PRR11: variants seen among roughly 807,000 people sequenced by gnomAD.
PRR11 encodes the protein proline-rich protein 11.
Under a neutral mutation model 45.6 loss-of-function variants are expected in PRR11, and 30 were observed. The ratio of observed to expected loss-of-function variants is 0.66; its 90% CI spans 0.49 to 0.89. The LOEUF (loss-of-function observed/expected upper bound fraction) is 0.89, where lower values mean the gene tolerates loss of function less well. Ranked by LOEUF, PRR11 falls within the 40% of genes least tolerant of loss-of-function variation. PRR11 has a pLI of 0.00. For synonymous variants in PRR11, 128 were observed against 153.5 expected, an observed-to-expected ratio of 0.83 and a Z score of 1.23; for missense variants, 373 against 424.8, an observed-to-expected ratio of 0.88 and a Z score of 1.07.
In PRR11 at chr17:59,193,564, C is replaced by T; in HGVS notation, c.475C>T (p.Pro159Ser). The T allele has an allele frequency of 6.2e-7, 1 of 1,614,144 alleles. No homozygotes were observed. The highest frequency in any genetic ancestry group is 8.5e-7 in the Non-Finnish European group (1 of 1,180,028). The change falls in exon 5 of 10, where the codon CCT (proline) becomes TCT (serine). Residue 159 changes from proline to serine, a missense_variant. By Grantham distance (74) the Pro-to-Ser change is moderately conservative. Transcript: ENST00000262293. ...CATGAGTGGTAAACTTACAAATGTGCCTGCCTGCGTTCTGATCACCCCTGG... is the reference window on the plus strand; with the variant it reads ...CATGAGTGGTAAACTTACAAATGTGTCTGCCTGCGTTCTGATCACCCCTGG... ...CHMSGKLTNVPACVLITPGDS... is the reference protein window; with the variant it reads ...CHMSGKLTNVSACVLITPGDS...
At chr17:59,169,913 G>A in intron 2 of PRR11, 33 bp downstream of exon 2, 1 of 1,576,896 alleles carries the variant, frequency 6.3e-7, no homozygotes, top group South Asian at 1.2e-5. Flanking sequence ...AAAAATATTA[G>A]AGAGATCTGA....
chr17:59,190,724 T>C (rs2046836894), intron 4 of PRR11, among the ~76,000 whole-genome samples: 1 of 152,232 alleles, frequency 6.6e-6, no homozygotes, highest in African/African-American at 2.4e-5. Context: ...ACAGTAAGTT[T>C]ATTTCTCAGA....
chr17:59,171,216 C>T (rs1237067802), intron 2 of PRR11, among the ~76,000 whole-genome samples: 1 of 151,410 alleles, frequency 6.6e-6, no homozygotes, highest in African/African-American at 2.4e-5. Context: ...TGAGCCGAGA[C>T]AGTGCCACTG....
intron 4 of PRR11, among the ~76,000 whole-genome samples, chr17:59,188,177 T>G (rs1286862758): frequency 6.6e-6 from 1 of 152,174 alleles, no homozygotes; most frequent in East Asian, 1.9e-4. Flanking sequence ...AAAATGTATA[T>G]TGGGAGGCAA....
intron 1 of PRR11, among the ~76,000 whole-genome samples, chr17:59,169,024 A>G (rs1465579231): frequency 1.3e-5 from 2 of 151,704 alleles, no homozygotes; most frequent in Non-Finnish European, 2.9e-5. Flanking sequence ...TTGTTTCCTT[A>G]TCTTCTCACT....
At chr17:59,162,779 A>C (rs543791271) in intron 1 of PRR11, among the ~76,000 whole-genome samples, 3 of 131,636 alleles carry the variant, frequency 2.3e-5, no homozygotes, top group Non-Finnish European at 4.6e-5. Context: ...CCCAGGCTGG[A>C]GTGCAATGGC....
intron 2 of PRR11, chr17:59,174,884 C>T (rs1233839554): frequency 8.5e-7 from 1 of 1,181,202 alleles, no homozygotes; most frequent in Non-Finnish European, 1.2e-6. Flanking sequence ...CCCAGGATAC[C>T]CCTCCCTCCC....
At chr17:59,185,719 G>A (rs1333593032) in intron 4 of PRR11, among the ~76,000 whole-genome samples, 157 bp downstream of exon 4, 1 of 152,174 alleles carries the variant, frequency 6.6e-6, no homozygotes, top group Non-Finnish European at 1.5e-5. Flanking sequence ...ACAAAGGGTA[G>A]AACAAACTGG....
At chr17:59,164,639 T>C (rs2046670136) in intron 1 of PRR11, among the ~76,000 whole-genome samples, 1 of 152,078 alleles carries the variant, frequency 6.6e-6, no homozygotes, top group South Asian at 2.1e-4. Context: ...GGCATTTGTC[T>C]ATAGAAGGTC....
chr17:59,195,050 C>A (rs575761304), intron 6 of PRR11, among the ~76,000 whole-genome samples, 195 bp downstream of exon 6: 1 of 152,230 alleles, frequency 6.6e-6, no homozygotes, highest in African/African-American at 2.4e-5. Flanking sequence ...AGGGAGAAGT[C>A]ATTTCATTTC....
chr17:59,177,403 G>T, intron 2 of PRR11: 1 of 468,678 alleles, frequency 2.1e-6, no homozygotes, highest in African/African-American at 2.0e-5. Flanking sequence ...GGAAATTGCG[G>T]GGTGGTGGGG....
At chr17:59,183,711 A>G (rs529924703) in intron 2 of PRR11, among the ~76,000 whole-genome samples, 15 of 152,290 alleles carry the variant, frequency 9.8e-5, no homozygotes, top group African/African-American at 3.6e-4. Context: ...CTATATATTA[A>G]GTTTTGTATC....
intron 2 of PRR11, among the ~76,000 whole-genome samples, chr17:59,170,095 C>T (rs2147837508): frequency 6.6e-6 from 1 of 152,046 alleles, no homozygotes; most frequent in South Asian, 2.1e-4. Flanking sequence ...TCTACTAAAA[C>T]TACAAAAATT....
At chr17:59,179,446 G>A (rs1342578723) in intron 2 of PRR11, among the ~76,000 whole-genome samples, 3 of 152,074 alleles carry the variant, frequency 2.0e-5, no homozygotes, top group Non-Finnish European at 4.4e-5. Context: ...CCAAAACCAA[G>A]CTTTCTTATC....
intron 9 of PRR11, among the ~76,000 whole-genome samples, chr17:59,198,139 A>G (rs929348720): frequency 1.3e-5 from 2 of 152,290 alleles, no homozygotes; most frequent in African/African-American, 2.4e-5. Flanking sequence ...ATCATAATTT[A>G]TGATCATAAT....
At chr17:59,165,339 G>A (rs921182060) in intron 1 of PRR11, among the ~76,000 whole-genome samples, 2 of 151,872 alleles carry the variant, frequency 1.3e-5, no homozygotes, top group African/African-American at 4.8e-5. Context: ...GTTTGTTTAT[G>A]TGTTTGTTTG....
intron 4 of PRR11, among the ~76,000 whole-genome samples, chr17:59,189,526 A>T (rs969363445): frequency 1.2e-4 from 18 of 151,684 alleles, no homozygotes; most frequent in African/African-American, 4.4e-4. Flanking sequence ...TAGAGACAGG[A>T]TCTCACCATG....
chr17:59,161,816 A>G (rs1195197365), intron 1 of PRR11, among the ~76,000 whole-genome samples: 2 of 152,180 alleles, frequency 1.3e-5, no homozygotes, highest in Admixed American at 1.3e-4. Context: ...TAACAATTAA[A>G]ATCCCACCTA....
chr17:59,177,828 C>T (rs1176294471), intron 2 of PRR11, among the ~76,000 whole-genome samples: 3 of 152,100 alleles, frequency 2.0e-5, no homozygotes, highest in Non-Finnish European at 4.4e-5. Flanking sequence ...ACAACCTGGG[C>T]AACATAGCAA....
Sources: gnomAD v4.1 joint callset for allele counts (sites outside exome capture counted in the v4.1 genomes callset) on GRCh38, gnomAD v4.1.1 for gene constraint, MANE v1.5 for transcripts, NCBI Gene and HGNC (gene_info 2026-07-23, HGNC 2026-07-21) for gene names.